PTPRG: variants seen among roughly 807,000 people sequenced by gnomAD.
The protein encoded by PTPRG is receptor-type tyrosine-protein phosphatase gamma.
Under a neutral mutation model 165.3 loss-of-function variants are expected in PTPRG, and 102 were observed. The ratio of observed to expected loss-of-function variants is 0.62; its 90% CI spans 0.53 to 0.73. The LOEUF is 0.73. PTPRG is among the 30% of genes least tolerant of loss of function. The pLI is 0.00. For synonymous variants in PTPRG, 675 were observed against 669.5 expected, an observed-to-expected ratio of 1.01 and a Z score of -0.13; for missense variants, 1,866 against 1,861.4, an observed-to-expected ratio of 1.00 and a Z score of -0.05.
At chr3:62,006,587 T>C (rs2041303375) in intron 4 of PTPRG, among the ~76,000 whole-genome samples, 1 of 152,206 alleles carries the variant, frequency 6.6e-6, no homozygotes, top group Non-Finnish European at 1.5e-5. Context: ...TAATTATTTG[T>C]CTTGCATGCA....
At position 62,210,651 on chromosome 3, in the gene PTPRG, T is replaced by TGA. The variant is rs1700337851; in HGVS notation, c.2155+6707_2155+6708dup. Among the ~76,000 whole-genome samples the TGA allele has an allele frequency of 6.6e-6, 1 of 152,168 alleles. No individual in the cohort carries two copies. Among genetic ancestry groups the TGA allele is most frequent in the Non-Finnish European group, 1.5e-5 (1 of 68,018 alleles). ...AGTTTTCTTCTGTCTCTGCTACCCCTGAGAGAGCAAGACCAACCCCTTTTC... is the reference window on the plus strand; with the variant it reads ...AGTTTTCTTCTGTCTCTGCTACCCCTGAGAGAGAGCAAGACCAACCCCTTTTC... On this transcript the variant is annotated intron_variant, in intron 12 of 29. Coordinates refer to ENST00000474889, the MANE Select transcript of PTPRG (RefSeq NM_002841.4). The surrounding 1 kb of genome is among the most constrained non-coding windows in gnomAD (Gnocchi z 4.1).
chr3:61,693,283 T>A (rs924951988), intron 1 of PTPRG, among the ~76,000 whole-genome samples: 4 of 152,194 alleles, frequency 2.6e-5, no homozygotes. Flanking sequence ...CCATTAGGTT[T>A]TGTGATGGGA....
chr3:61,612,812 A>G (rs991787253), intron 1 of PTPRG, among the ~76,000 whole-genome samples: 4 of 151,624 alleles, frequency 2.6e-5, no homozygotes, highest in Non-Finnish European at 5.9e-5. Flanking sequence ...CTTCGGGGGA[A>G]TGGGATCCTA....
At chr3:62,054,359 GT>G (rs1700562096) in intron 4 of PTPRG, among the ~76,000 whole-genome samples, 1 of 152,194 alleles carries the variant, frequency 6.6e-6, no homozygotes, top group South Asian at 2.1e-4. Flanking sequence ...CTTCTCTCCA[GT>G]TGGTCTTTAA....
intron 1 of PTPRG, among the ~76,000 whole-genome samples, chr3:61,573,822 A>G (rs1219250703): frequency 1.3e-5 from 2 of 152,210 alleles, no homozygotes; most frequent in African/African-American, 4.8e-5. Context: ...GAGATACACT[A>G]TCCAAGGTTA....
intron 2 of PTPRG, among the ~76,000 whole-genome samples, chr3:61,883,913 A>C (rs1161522492): frequency 2.0e-5 from 3 of 152,144 alleles, no homozygotes; most frequent in African/African-American, 7.2e-5. Context: ...ACAGGGTCTT[A>C]CCATGTTGCT....
At chr3:62,068,116 T>C in intron 4 of PTPRG, among the ~76,000 whole-genome samples, 1 of 152,186 alleles carries the variant, frequency 6.6e-6, no homozygotes, top group East Asian at 1.9e-4. Context: ...ATCTCAGCCT[T>C]AATTTCCTTC....
At chr3:62,073,145 T>C (rs1191421258) in intron 4 of PTPRG, among the ~76,000 whole-genome samples, 1 of 152,078 alleles carries the variant, frequency 6.6e-6, no homozygotes, top group Non-Finnish European at 1.5e-5. Flanking sequence ...TCCATATGGA[T>C]GTAAATGAAT....
At chr3:61,738,070 G>A (rs1277590932) in intron 1 of PTPRG, among the ~76,000 whole-genome samples, 5 of 149,748 alleles carry the variant, frequency 3.3e-5, no homozygotes, top group Non-Finnish European at 7.4e-5. Flanking sequence ...TACCGCACCC[G>A]GCTAATTTTT....
chr3:61,800,838 T>A (rs554891606), intron 2 of PTPRG, among the ~76,000 whole-genome samples: 33 of 152,186 alleles, frequency 2.2e-4, no homozygotes, highest in African/African-American at 7.7e-4. Flanking sequence ...GAGATAGGGT[T>A]TCGCCATGTT....
chr3:62,251,375 G>A (rs1213253859), intron 15 of PTPRG, among the ~76,000 whole-genome samples: 1 of 152,122 alleles, frequency 6.6e-6, no homozygotes, highest in Non-Finnish European at 1.5e-5. Context: ...TAAGCCAGGT[G>A]TGGTGGCATG....
At chr3:62,049,998 G>T (rs1295950987) in intron 4 of PTPRG, among the ~76,000 whole-genome samples, 3 of 152,204 alleles carry the variant, frequency 2.0e-5, no homozygotes, top group Non-Finnish European at 4.4e-5. Flanking sequence ...GCTACCAGTG[G>T]ACTGGAAAAT....
At chr3:61,854,377 C>T (rs181851202) in intron 2 of PTPRG, among the ~76,000 whole-genome samples, 194 of 152,196 alleles carry the variant, frequency 1.3e-3, no homozygotes, top group Non-Finnish European at 2.1e-3. Context: ...CATCTATAGG[C>T]TGTGAGAAAT....
At chr3:61,640,673 T>G (rs1323129218) in intron 1 of PTPRG, among the ~76,000 whole-genome samples, 1 of 152,194 alleles carries the variant, frequency 6.6e-6, no homozygotes, top group African/African-American at 2.4e-5. Context: ...CTTCACCCTT[T>G]TCATGATGCA....
At chr3:61,821,735 C>T (rs2035964419) in intron 2 of PTPRG, among the ~76,000 whole-genome samples, 1 of 152,088 alleles carries the variant, frequency 6.6e-6, no homozygotes, top group South Asian at 2.1e-4. Context: ...GTATGAATAG[C>T]AGTATGAGCG....
At chr3:61,916,912 A>G (rs1488361199) in intron 2 of PTPRG, among the ~76,000 whole-genome samples, 1 of 152,236 alleles carries the variant, frequency 6.6e-6, no homozygotes, top group Non-Finnish European at 1.5e-5. Context: ...AAACATTATA[A>G]CATTCTGAAA....
At chr3:61,908,667 A>G (rs1176132531) in intron 2 of PTPRG, among the ~76,000 whole-genome samples, 1 of 152,182 alleles carries the variant, frequency 6.6e-6, no homozygotes, top group African/African-American at 2.4e-5. Context: ...AAAGAAAGCA[A>G]ACATGAATTA....
At chr3:61,861,559 T>C (rs2037271655) in intron 2 of PTPRG, among the ~76,000 whole-genome samples, 1 of 152,176 alleles carries the variant, frequency 6.6e-6, no homozygotes, top group Non-Finnish European at 1.5e-5. Context: ...GGCTTGTCTT[T>C]GTTGTTGTTT....
chr3:62,243,907 G>C lies in PTPRG; in HGVS notation c.2467+9G>C, dbSNP rs751778373. On this transcript the variant is annotated intron_variant, in intron 15 of 29. Coordinates refer to ENST00000474889, the MANE Select transcript of PTPRG (RefSeq NM_002841.4). ...TATTATTCCTATTCCGGGTAAGTAAGACACTGCTCTTATTTCCAATGGGCT... is the reference window on the plus strand; with the variant it reads ...TATTATTCCTATTCCGGGTAAGTAACACACTGCTCTTATTTCCAATGGGCT... 4 of 1,433,524 alleles carry C rather than the reference G, an allele frequency of 2.8e-6. No homozygotes were observed. The South Asian group carries it at 4.8e-5, about 17-fold the overall frequency. 88.8% of individuals were successfully genotyped at this position (1,433,524 alleles called of 1,614,324 possible).
Sources: gnomAD v4.1 joint callset for allele counts (sites outside exome capture counted in the v4.1 genomes callset) on GRCh38, gnomAD v4.1.1 for gene constraint, Gnocchi (gnomAD v3.1) non-coding constraint, MANE v1.5 for transcripts, NCBI Gene and HGNC (gene_info 2026-07-23, HGNC 2026-07-21) for gene names.